The following CMYA5 variants were observed in gnomAD, a reference collection of about 807,000 sequenced individuals.
CMYA5 encodes the protein cardiomyopathy associated 5, also known as cardiomyopathy-associated protein 5.
CMYA5 carries 246 observed loss-of-function variants against 318.9 expected under a neutral mutation model. The ratio of observed to expected loss-of-function variants is 0.77; its 90% CI spans 0.70 to 0.86. The LOEUF is 0.86. Among genes scored for constraint, CMYA5 ranks in the 40% least tolerant of loss-of-function variants. The probability of loss-of-function intolerance (pLI) is 0.00; values close to 1 mark genes in which losing one functional copy is unlikely to be tolerated. For synonymous variants in CMYA5, 1,641 were observed against 1,729.5 expected (o/e 0.95, Z 1.27); for missense variants, 4,589 against 4,678.2 (o/e 0.98, Z 0.56).
At position 79,799,834 on chromosome 5, in the gene CMYA5, T is replaced by A; in HGVS notation, c.*218T>A. 1 of 379,486 alleles carries A rather than the reference T, an allele frequency of 2.6e-6. No individual in the cohort carries two copies. Among genetic ancestry groups the A allele is most frequent in the Non-Finnish European group, 4.7e-6 (1 of 211,960 alleles). 23.5% of individuals were successfully genotyped at this position (379,486 alleles called of 1,614,324 possible). On this transcript the variant is annotated 3_prime_UTR_variant, in exon 13 of 13. Transcript: ENST00000446378. ...ACAGAATGAAAACAACAACCTCCAC[T>A]CTTTAGTTTATATAAGTTTGAGTTC... is the stretch of plus-strand genomic sequence containing the variant.
At chr5:79,701,853 C>T (rs545824832) in intron 1 of CMYA5, among the ~76,000 whole-genome samples, 13 of 152,240 alleles carry the variant, frequency 8.5e-5, no homozygotes, top group South Asian at 4.1e-4. Flanking sequence ...AGAGGCCAGG[C>T]GTGGTGGCTC....
At chr5:79,719,381 T>C (rs1827576310) in intron 1 of CMYA5, among the ~76,000 whole-genome samples, 1 of 152,198 alleles carries the variant, frequency 6.6e-6, no homozygotes, top group African/African-American at 2.4e-5. Flanking sequence ...CTAGGAAGGT[T>C]GATCACAGCC....
intron 9 of CMYA5, among the ~76,000 whole-genome samples, chr5:79,777,179 T>C (rs529229407): frequency 2.5e-4 from 38 of 152,294 alleles, no homozygotes; most frequent in Non-Finnish European, 4.0e-4. Flanking sequence ...AAATATTTAA[T>C]TAAATTTGGA....
chr5:79,728,033 C>T (rs969892069), intron 1 of CMYA5, among the ~76,000 whole-genome samples: 3 of 152,280 alleles, frequency 2.0e-5, no homozygotes, highest in Admixed American at 6.5e-5. Context: ...CTAAGCATTT[C>T]GCATGAGTTA....
intron 1 of CMYA5, among the ~76,000 whole-genome samples, chr5:79,712,930 T>G (rs1342074186): frequency 6.6e-6 from 1 of 152,186 alleles, no homozygotes; most frequent in Non-Finnish European, 1.5e-5. Context: ...CCACTCAACA[T>G]TCATGGGAAT....
chr5:79,690,447 T>G (rs753779568), intron 1 of CMYA5, among the ~76,000 whole-genome samples: 11 of 152,044 alleles, frequency 7.2e-5, no homozygotes, highest in African/African-American at 1.5e-4. Context: ...ACTGGTACCT[T>G]CCGATGAATG....
Position 79,737,508 on chromosome 5 carries a change from A to T in CMYA5, c.8743A>T (p.Lys2915Ter). Residue 2915 changes from lysine (K) to a stop codon, truncating the protein, a stop_gained, in exon 2 of 13, where the codon AAG (lysine) becomes TAG (stop). Coordinates refer to ENST00000446378, the MANE Select transcript of CMYA5 (RefSeq NM_153610.5). LOFTEE classifies it high-confidence loss of function. Reference sequence around the variant, plus strand: ...AATGGTTTCTAATAAAGAAATGCCCAAGGAACCTGAAGACACATATGCAAA... The same window carrying T: ...AATGGTTTCTAATAAAGAAATGCCCTAGGAACCTGAAGACACATATGCAAA... ...DKMVSNKEMP[K>*]EPEDTYAKGE... 1 of 1,613,496 alleles carries T rather than the reference A, an allele frequency of 6.2e-7. No homozygotes were observed. The highest frequency in any genetic ancestry group is 8.5e-7 in the Non-Finnish European group (1 of 1,179,736).
chr5:79,690,036 G>T lies in CMYA5; in HGVS notation c.129G>T (p.Ser43=). 6.8e-7 allele frequency: 1 copy of T among 1,464,964 alleles called. No individual in the cohort carries two copies. The highest frequency in any genetic ancestry group is 9.1e-7 in the Non-Finnish European group (1 of 1,103,988). 90.7% of individuals were successfully genotyped at this position (1,464,964 alleles called of 1,614,324 possible). The change falls in exon 1 of 13, where the codon TCG becomes TCT. Residue 43 remains serine, a synonymous_variant. Transcript: ENST00000446378. ...EGEEDETAAE[S]EEEPDSRLSD... Reference sequence around the variant, plus strand: ...AGGAGGACGAGACGGCGGCGGAGTCGGAGGAGGAGCCGGACTCCAGGTAGC... The same window carrying T: ...AGGAGGACGAGACGGCGGCGGAGTCTGAGGAGGAGCCGGACTCCAGGTAGC...
At chr5:79,760,162 T>G (rs1003775458) in intron 7 of CMYA5, among the ~76,000 whole-genome samples, 4 of 141,760 alleles carry the variant, frequency 2.8e-5, no homozygotes, top group Non-Finnish European at 4.6e-5. Flanking sequence ...GAGACCCTTC[T>G]TATCAAATAG....
chr5:79,785,110 A>T (rs1284295526), intron 9 of CMYA5, among the ~76,000 whole-genome samples: 1 of 151,034 alleles, frequency 6.6e-6, no homozygotes, highest in Non-Finnish European at 1.5e-5. Flanking sequence ...ATTATTATAC[A>T]CTCAAGAGAC....
chr5:79,716,951 G>C (rs1310511343), intron 1 of CMYA5, among the ~76,000 whole-genome samples: 3 of 152,152 alleles, frequency 2.0e-5, no homozygotes, highest in South Asian at 4.1e-4. Flanking sequence ...GCACCATATG[G>C]TAATCTTGCT....
Position 79,763,176 on chromosome 5 carries a change from G to A in CMYA5, c.11522G>A (p.Cys3841Tyr). 1 of 1,610,986 alleles carries A rather than the reference G, an allele frequency of 6.2e-7. No individual in the cohort carries two copies. Among genetic ancestry groups the A allele is most frequent in the East Asian group, 2.2e-5 (1 of 44,806 alleles). ...ACGGAGACCTACACTCTGGAGTACT[G>A]CAGACAGCACTCTCCTGAGGGAGAG... is the stretch of plus-strand genomic sequence containing the variant. Reference protein sequence around the residue: ...EATETYTLEYCRQHSPEGEGL... With the variant: ...EATETYTLEYYRQHSPEGEGL... The change falls in exon 9 of 13, where the codon TGC (cysteine) becomes TAC (tyrosine). Residue 3841 changes from cysteine to tyrosine, a missense_variant. Coordinates refer to ENST00000446378, the MANE Select transcript of CMYA5 (RefSeq NM_153610.5).
chr5:79,729,877 C>T lies in CMYA5; in HGVS notation c.1112C>T (p.Ala371Val), dbSNP rs1432435801. The T allele has an allele frequency of 6.2e-7, 1 of 1,612,648 alleles. No homozygotes were observed. Among genetic ancestry groups the T allele is most frequent in the Non-Finnish European group, 8.5e-7 (1 of 1,179,242 alleles). ...GTGCCACAACAGCCAGAAGATGAAG[C>T]AAAACCACATGAAGTGGAACCTCCA... ...QSVPQQPEDE[A>V]KPHEVEPPSV... Residue 371 changes from alanine to valine, a missense_variant, in exon 2 of 13, where the codon GCA (alanine) becomes GTA (valine). Physicochemically the swap from Ala to Val is moderately conservative, Grantham distance 64 (BLOSUM62 0). Around this residue, in one of 3 missense-constraint regions of CMYA5, gnomAD observed 2,132 missense variants for 2,131.3 expected, o/e 1.00. Transcript: ENST00000446378.
chr5:79,732,425 A>G lies in CMYA5; in HGVS notation c.3660A>G (p.Val1220=), dbSNP rs1371080795. Residue 1220 remains valine, a synonymous_variant, in exon 2 of 13, where the codon GTA becomes GTG. Transcript: ENST00000446378. ...ATTCTCAAGAAGCTACAGCACATGT[A>G]TCACAGGATCAAAAAATGGAGCCTC... ...VPDSQEATAH[V]SQDQKMEPQP... 1 of 1,613,688 alleles carries G rather than the reference A, an allele frequency of 6.2e-7. No homozygotes were observed.
At position 79,729,900 on chromosome 5, in the gene CMYA5, C is replaced by T. The variant is rs1277527202; in HGVS notation, c.1135C>T (p.Pro379Ser). Residue 379 changes from proline (P) to serine (S), a missense_variant, in exon 2 of 13, where the codon CCA becomes TCA. Physicochemically the swap from Pro to Ser is moderately conservative, Grantham distance 74. Transcript: ENST00000446378. ...AGCAAAACCACATGAAGTGGAACCT[C>T]CATCTGTGACACCCGACACACCTGC... ...DEAKPHEVEPPSVTPDTPATM... is the reference protein window; with the variant it reads ...DEAKPHEVEPSSVTPDTPATM... 12 of 1,613,136 alleles carry T rather than the reference C, an allele frequency of 7.4e-6. No homozygotes were observed. The highest frequency in any genetic ancestry group is 7.6e-6 in the Non-Finnish European group (9 of 1,179,502).
Position 79,734,959 on chromosome 5 carries a change from T to C in CMYA5, c.6194T>C (p.Ile2065Thr), listed in dbSNP as rs1828018721. 1 of 1,613,492 alleles carries C rather than the reference T, an allele frequency of 6.2e-7. No individual in the cohort carries two copies. Among genetic ancestry groups the C allele is most frequent in the Admixed American group, 1.7e-5 (1 of 59,968 alleles). ...GTGGAACAGGTGAAGTCAGAAACAA[T>C]CTCCTCTTCTGTCAAAACAGCCCAT... ...LSVEQVKSET[I>T]SSSVKTAHFP... The change falls in exon 2 of 13, where the codon ATC becomes ACC. Residue 2065 changes from isoleucine (I) to threonine (T), a missense_variant. Ile to Thr is a moderately conservative substitution (Grantham distance 89). This residue lies in a region of CMYA5 where 2,431 missense variants were observed against 2,495.1 expected (regional missense o/e 0.97). Coordinates refer to ENST00000446378, the MANE Select transcript of CMYA5 (RefSeq NM_153610.5).
chr5:79,725,195 A>T (rs1827720932), intron 1 of CMYA5, among the ~76,000 whole-genome samples: 1 of 152,216 alleles, frequency 6.6e-6, no homozygotes. Flanking sequence ...TCACAATAGC[A>T]AAGACATGGA....
Position 79,754,061 on chromosome 5 carries a change from T to G in CMYA5, c.11110+1267T>G, listed in dbSNP as rs116705144. 6.7e-3 allele frequency among the ~76,000 whole-genome samples: 1,022 copies of G among 152,358 alleles called. 14 individuals carry two copies. Among genetic ancestry groups the G allele is most frequent in the African/African-American group, 0.023 (971 of 41,584 alleles). ...TTAAAATGTCACAAAGTGTTAACAATTAACTCAGCAAGTGCACATGGCGGT... is the reference window on the plus strand; with the variant it reads ...TTAAAATGTCACAAAGTGTTAACAAGTAACTCAGCAAGTGCACATGGCGGT... On this transcript the variant is annotated intron_variant, in intron 6 of 12. Coordinates refer to ENST00000446378, the MANE Select transcript of CMYA5 (RefSeq NM_153610.5).
chr5:79,771,698 T>TGAGA (rs1828859396), intron 9 of CMYA5, among the ~76,000 whole-genome samples: 1 of 152,106 alleles, frequency 6.6e-6, no homozygotes, highest in African/African-American at 2.4e-5. Context: ...TTCTCAGCAA[T>TGAGA]CCTATGAGGC....
Sources: allele counts gnomAD v4.1 joint callset (sites outside exome capture counted in the v4.1 genomes callset), GRCh38; gene constraint gnomAD v4.1.1; regional missense constraint gnomAD v4.1.1; transcripts MANE v1.5; gene names NCBI Gene and HGNC (gene_info 2026-07-23, HGNC 2026-07-21).